Variants in DNM2 observed in about 807,000 individuals in gnomAD.
The protein encoded by DNM2 is dynamin 2.
In DNM2, 15 loss-of-function variants were observed where a neutral mutation model predicts 99.0. The observed-to-expected ratio is 0.15, with a 90% CI of 0.10 to 0.23. DNM2 has a LOEUF of 0.23. Among genes scored for constraint, DNM2 ranks in the 10% least tolerant of loss-of-function variants. DNM2 has a pLI of 1.00. For synonymous variants in DNM2, 525 were observed against 481.2 expected, an observed-to-expected ratio of 1.09 and a Z score of -1.19; for missense variants, 742 against 1,189.4, an observed-to-expected ratio of 0.62 and a Z score of 5.53.
chr19:10,830,794 C>G lies in DNM2; in HGVS notation c.2544-184C>G, dbSNP rs1264504330. Among the ~76,000 whole-genome samples, 1 of 152,136 alleles carries G rather than the reference C, an allele frequency of 6.6e-6. No individual in the cohort carries two copies. Among genetic ancestry groups the G allele is most frequent in the Admixed American group, 6.5e-5 (1 of 15,290 alleles). On this transcript the variant is annotated intron_variant, in intron 20 of 20. Transcript: ENST00000389253. This position sits in a 1 kb window ranked among gnomAD's most constrained non-coding sequence, Gnocchi z 4.8. ...GGCAGGGGGCTCACTGAGGGTCAAA[C>G]AGCAGGCGAGTTGATGCCTAGGTTT...
chr19:10,789,746 A>G (rs1194603486), intron 7 of DNM2, among the ~76,000 whole-genome samples: 2 of 152,156 alleles, frequency 1.3e-5, no homozygotes, highest in Non-Finnish European at 2.9e-5. Flanking sequence ...AAGCAGGACA[A>G]TCACTTGAAC....
Position 10,820,037 on chromosome 19 carries a change from A to G in DNM2, c.1729A>G (p.Lys577Glu). Residue 577 changes from lysine (K) to glutamate (E), a missense_variant, in exon 16 of 21, where the codon AAG (lysine) becomes GAG (glutamate). Lys to Glu is a moderately conservative substitution (Grantham distance 56). Coordinates refer to ENST00000389253, the MANE Select transcript of DNM2 (RefSeq NM_001005361.3). This position sits in a 1 kb window ranked among gnomAD's most constrained non-coding sequence, Gnocchi z 4.3. ...LDNLKIRDVE[K>E]GFMSNKHVFA... ...CAACCTCAAGATCCGTGATGTGGAG[A>G]AGGGCTTCATGTCCAACAAGCACGT... 1 of 1,614,162 alleles carries G rather than the reference A, an allele frequency of 6.2e-7. No homozygotes were observed. Among genetic ancestry groups the G allele is most frequent in the Non-Finnish European group, 8.5e-7 (1 of 1,180,032 alleles).
intron 13 of DNM2, among the ~76,000 whole-genome samples, chr19:10,806,891 C>T (rs1391036186): frequency 6.6e-6 from 1 of 152,084 alleles, no homozygotes; most frequent in Admixed American, 6.6e-5. Context: ...GGATTGGGAG[C>T]CCCTAGGTGA....
At position 10,773,882 on chromosome 19, in the gene DNM2, G is replaced by A. The variant is rs1048410512; in HGVS notation, c.385+1254G>A. On this transcript the variant is annotated intron_variant, in intron 3 of 20. Coordinates refer to ENST00000389253, the MANE Select transcript of DNM2 (RefSeq NM_001005361.3). ...CTGCATCCCCCTCCCAAAGTGCTGGGATTACAGGTTTTAGCCACCTTGCCC... is the reference window on the plus strand; with the variant it reads ...CTGCATCCCCCTCCCAAAGTGCTGGAATTACAGGTTTTAGCCACCTTGCCC... Among the ~76,000 whole-genome samples, 3 of 152,158 alleles carry A rather than the reference G, an allele frequency of 2.0e-5. No individual in the cohort carries two copies. The East Asian group carries it at 5.8e-4, about 29-fold the overall frequency.
intron 5 of DNM2, among the ~76,000 whole-genome samples, chr19:10,778,496 TAA>T (rs1877005046): frequency 6.6e-6 from 1 of 151,932 alleles, no homozygotes; most frequent in African/African-American, 2.4e-5. Flanking sequence ...TACTAAAGAT[TAA>T]AAAGTTAGCT....
At position 10,798,251 on chromosome 19, in the gene DNM2, G is replaced by C. The variant is rs2072008946; in HGVS notation, c.1336-235G>C. 3 of 572,228 alleles carry C rather than the reference G, an allele frequency of 5.2e-6. No homozygotes were observed. In the South Asian group the frequency reaches 6.1e-5, roughly 12 times the overall value. 35.4% of individuals were successfully genotyped at this position (572,228 alleles called of 1,614,324 possible). ...GTTGCCTCCTGCCTCCTGCCCCCCG[G>C]TCACTGGCTGGAAAAGCAGCTCTGC... On this transcript the variant is annotated intron_variant, in intron 10 of 20. Coordinates refer to ENST00000389253, the MANE Select transcript of DNM2 (RefSeq NM_001005361.3).
At chr19:10,808,228 G>T (rs2072420768) in intron 13 of DNM2, among the ~76,000 whole-genome samples, 1 of 152,090 alleles carries the variant, frequency 6.6e-6, no homozygotes, top group Non-Finnish European at 1.5e-5. Context: ...CCATTGGGCA[G>T]GGGTGGGGGC....
intron 1 of DNM2, among the ~76,000 whole-genome samples, chr19:10,755,774 G>A (rs1462055138): frequency 2.0e-5 from 3 of 151,740 alleles, no homozygotes; most frequent in Admixed American, 6.6e-5. Context: ...AGCCATTCTC[G>A]TGTCTTAGCC....
At chr19:10,759,029 C>A (rs1391004884) in intron 1 of DNM2, among the ~76,000 whole-genome samples, 3 of 152,112 alleles carry the variant, frequency 2.0e-5, no homozygotes. Context: ...ACAACCTCAG[C>A]CTCCCGGGCT....
At chr19:10,749,830 G>C (rs1379068907) in intron 1 of DNM2, among the ~76,000 whole-genome samples, 1 of 152,240 alleles carries the variant, frequency 6.6e-6, no homozygotes, top group Non-Finnish European at 1.5e-5. Flanking sequence ...GAGTGGGAAG[G>C]GGTGTGTATT....
rs2072543346 is a variant in DNM2, at chr19:10,811,512, G to T, written c.1558-752G>T. 2 of 359,958 alleles carry T rather than the reference G, an allele frequency of 5.6e-6. No homozygotes were observed. Among genetic ancestry groups the T allele is most frequent in the Admixed American group, 3.7e-5 (1 of 27,246 alleles). The allele number at this position is 359,958 out of a possible 1,614,324, so 22.3% of individuals were successfully genotyped here. A position where few individuals can be genotyped will look rare whatever the true frequency, so the allele number is the denominator to read the frequency against. On this transcript the variant is annotated intron_variant, in intron 14 of 20. Coordinates refer to ENST00000389253, the MANE Select transcript of DNM2 (RefSeq NM_001005361.3). This position sits in a 1 kb window ranked among gnomAD's most constrained non-coding sequence, Gnocchi z 5.4. ...TTGTAGCTTGGCCAAGTCTGTCAGT[G>T]CCTGGGTCCCAGGCCGCCCTGTGCG...
At chr19:10,731,074 G>A (rs924929864) in intron 1 of DNM2, among the ~76,000 whole-genome samples, 2 of 152,106 alleles carry the variant, frequency 1.3e-5, no homozygotes, top group Non-Finnish European at 2.9e-5. Context: ...CGATCCTGGC[G>A]GGCCAGTCAA....
intron 12 of DNM2, among the ~76,000 whole-genome samples, chr19:10,803,360 C>T (rs568001709): frequency 2.0e-5 from 3 of 152,246 alleles, no homozygotes; most frequent in East Asian, 1.9e-4. Context: ...GGAAGGAAAA[C>T]GAAGGAATGA....
Position 10,831,533 on chromosome 19 carries a change from C to T in DNM2, c.*486C>T. 1 of 986,874 alleles carries T rather than the reference C, an allele frequency of 1.0e-6. No individual in the cohort carries two copies. Among genetic ancestry groups the T allele is most frequent in the South Asian group, 4.7e-5 (1 of 21,366 alleles). The allele number at this position is 986,874 out of a possible 1,614,324, so 61.1% of individuals were successfully genotyped here. On this transcript the variant is annotated 3_prime_UTR_variant, in exon 21 of 21. Transcript: ENST00000389253. The surrounding 1 kb of genome is among the most constrained non-coding windows in gnomAD (Gnocchi z 4.3). Reference sequence around the variant, plus strand: ...CTGGCCCAGTGGGCTCGGTAGTGCCCAGCTGGCAGGCCTGAGGTGTACATA... The same window carrying T: ...CTGGCCCAGTGGGCTCGGTAGTGCCTAGCTGGCAGGCCTGAGGTGTACATA...
intron 1 of DNM2, among the ~76,000 whole-genome samples, chr19:10,749,633 C>T (rs1300395699): frequency 1.3e-5 from 2 of 152,220 alleles, no homozygotes; most frequent in African/African-American, 2.4e-5. Flanking sequence ...GGGCGGAGCT[C>T]GACTTTGAAC....
intron 2 of DNM2, among the ~76,000 whole-genome samples, chr19:10,761,755 G>T (rs10417071): frequency 0.56 from 85,533 of 152,024 alleles, 24,286 homozygotes; most frequent in Admixed American, 0.61. Flanking sequence ...TCTCAGCTTG[G>T]CCTCCCAAGA....
At chr19:10,733,191 GTTT>G (rs34624666) in intron 1 of DNM2, among the ~76,000 whole-genome samples, 14 of 123,734 alleles carry the variant, frequency 1.1e-4, no homozygotes, top group Non-Finnish European at 1.0e-4. Flanking sequence ...GGCTGGTGTG[GTTT>G]TTTTTTTTTT....
chr19:10,819,013 C>T (rs2072877165), intron 15 of DNM2, among the ~76,000 whole-genome samples: 1 of 152,128 alleles, frequency 6.6e-6, no homozygotes, highest in Non-Finnish European at 1.5e-5. Flanking sequence ...CCACCCCCAG[C>T]TCCGTGACTC....
chr19:10,767,806 C>A (rs560486447), intron 2 of DNM2, among the ~76,000 whole-genome samples: 36 of 151,914 alleles, frequency 2.4e-4, no homozygotes, highest in Non-Finnish European at 8.8e-5. Flanking sequence ...CTTGGGAGGC[C>A]GAAGTATGAG....
Sources: gnomAD v4.1 joint callset for allele counts (sites outside exome capture counted in the v4.1 genomes callset) on GRCh38, gnomAD v4.1.1 for gene constraint, Gnocchi (gnomAD v3.1) non-coding constraint, MANE v1.5 for transcripts, NCBI Gene and HGNC (gene_info 2026-07-23, HGNC 2026-07-21) for gene names.